WWP1: variants seen among roughly 807,000 people sequenced by gnomAD.
WWP1 encodes the protein NEDD4-like E3 ubiquitin-protein ligase WWP1.
WWP1 carries 49 observed loss-of-function variants against 130.6 expected under a neutral mutation model. The observed-to-expected ratio is 0.38, with a 90% CI of 0.30 to 0.48. The LOEUF is 0.48. WWP1 is among the 20% of genes least tolerant of loss of function. The pLI is 0.99. For missense variants in WWP1, 809 were observed against 1,100.6 expected (o/e 0.74, Z 3.75); for synonymous variants, 332 against 367.8 (o/e 0.90, Z 1.11).
chr8:86,347,263 G>T (rs2130073642), intron 1 of WWP1, among the ~76,000 whole-genome samples: 1 of 152,318 alleles, frequency 6.6e-6, no homozygotes, highest in East Asian at 1.9e-4. Flanking sequence ...TGGAATTACA[G>T]GCGTGAGCCA....
In WWP1 at chr8:86,438,539, G is replaced by T. The variant is rs377149952; in HGVS notation, c.1750-46G>T. On this transcript the variant is annotated intron_variant, in intron 16 of 24. Coordinates refer to ENST00000517970, the MANE Select transcript of WWP1 (RefSeq NM_007013.4). Reference sequence around the variant, plus strand: ...ATTTAAATTGTTTTGAAAGGAACTTGTACTGCATGTGAGTATTTAATATTC... The same window carrying T: ...ATTTAAATTGTTTTGAAAGGAACTTTTACTGCATGTGAGTATTTAATATTC... The T allele has an allele frequency of 3.6e-6, 5 of 1,401,662 alleles. No individual in the cohort carries two copies. The South Asian group carries it at 4.0e-5, about 11-fold the overall frequency. The allele number at this position is 1,401,662 out of a possible 1,614,324, so 86.8% of individuals were successfully genotyped here. A position where few individuals can be genotyped will look rare whatever the true frequency, so the allele number is the denominator to read the frequency against.
intron 22 of WWP1, among the ~76,000 whole-genome samples, chr8:86,458,876 A>G (rs1252740926): frequency 2.0e-5 from 3 of 152,206 alleles, no homozygotes; most frequent in Non-Finnish European, 2.9e-5. Context: ...GCACATACCA[A>G]AGTATTTAAT....
chr8:86,411,917 A>G (rs1808609292), intron 9 of WWP1, 43 bp downstream of exon 9: 1 of 1,505,568 alleles, frequency 6.6e-7, no homozygotes, highest in Admixed American at 2.0e-5. Flanking sequence ...TTAAGTAGCA[A>G]CTCTGTTAAC....
At chr8:86,414,879 T>TA (rs1415579167) in intron 9 of WWP1, among the ~76,000 whole-genome samples, 2 of 85,436 alleles carry the variant, frequency 2.3e-5, no homozygotes, top group African/African-American at 5.9e-5. Context: ...ACATTCTGAA[T>TA]CCCCCCCCCA....
chr8:86,347,416 A>G (rs1384911294), intron 1 of WWP1, among the ~76,000 whole-genome samples: 3 of 152,226 alleles, frequency 2.0e-5, no homozygotes, highest in Admixed American at 6.5e-5. Flanking sequence ...TTCCTATGTC[A>G]GTATTCTTTT....
At chr8:86,421,225 A>G (rs1266189924) in intron 9 of WWP1, among the ~76,000 whole-genome samples, 1 of 151,328 alleles carries the variant, frequency 6.6e-6, no homozygotes, top group East Asian at 1.9e-4. Context: ...GTTCCAGTGT[A>G]GGATATAATA....
intron 1 of WWP1, among the ~76,000 whole-genome samples, chr8:86,363,324 T>C (rs1292064324): frequency 6.6e-6 from 1 of 152,208 alleles, no homozygotes; most frequent in African/African-American, 2.4e-5. Flanking sequence ...TAGGGAAAGC[T>C]GGTCTGCTGG....
intron 8 of WWP1, among the ~76,000 whole-genome samples, chr8:86,403,097 A>T (rs1808089992): frequency 6.6e-6 from 1 of 152,192 alleles, no homozygotes; most frequent in African/African-American, 2.4e-5. Context: ...CTTTCAGGTG[A>T]GTCTCCTGAA....
chr8:86,451,275 TAGAG>T (rs1181005889), intron 20 of WWP1, among the ~76,000 whole-genome samples: 199 of 101,724 alleles, frequency 2.0e-3, no homozygotes, highest in African/African-American at 7.5e-3. Context: ...GCTTGCCCGA[TAGAG>T]GGAGATTTTG....
intron 7 of WWP1, 65 bp from the exon 8 acceptor site, chr8:86,401,953 GA>G (rs1195259867): frequency 2.9e-6 from 4 of 1,361,672 alleles, no homozygotes; most frequent in Non-Finnish European, 2.9e-6. Flanking sequence ...TAAATCCTAT[GA>G]AAATTCTCAT....
chr8:86,421,834 A>T (rs7462792), intron 9 of WWP1, among the ~76,000 whole-genome samples: 8,311 of 151,838 alleles, frequency 0.055, 379 homozygotes, highest in African/African-American at 0.12. Flanking sequence ...AAAAAAAAAA[A>T]TTTTTTTTGA....
At chr8:86,403,544 C>G (rs915230609) in intron 8 of WWP1, among the ~76,000 whole-genome samples, 3 of 152,142 alleles carry the variant, frequency 2.0e-5, no homozygotes, top group Non-Finnish European at 4.4e-5. Flanking sequence ...ATCCACCTGT[C>G]TCAGCCTCCC....
chr8:86,352,413 C>T (rs1429905148), intron 1 of WWP1, among the ~76,000 whole-genome samples: 5 of 151,596 alleles, frequency 3.3e-5, no homozygotes, highest in East Asian at 1.9e-4. Flanking sequence ...TTAGTAGAGA[C>T]GGGATTTTAC....
intron 24 of WWP1, among the ~76,000 whole-genome samples, chr8:86,466,318 A>G (rs1217808372): frequency 6.6e-6 from 1 of 152,184 alleles, no homozygotes; most frequent in Non-Finnish European, 1.5e-5. Context: ...AGAAACATAT[A>G]TATTTGTTAA....
intron 1 of WWP1, among the ~76,000 whole-genome samples, chr8:86,347,785 G>T (rs936693520): frequency 6.6e-6 from 1 of 152,050 alleles, no homozygotes; most frequent in Admixed American, 6.5e-5. Flanking sequence ...TTTTATAAAA[G>T]CTTAGTCTTC....
intron 9 of WWP1, among the ~76,000 whole-genome samples, chr8:86,414,890 T>TCCCCCCC (rs1222505171): frequency 2.6e-4 from 25 of 94,862 alleles, no homozygotes; most frequent in Admixed American, 3.7e-4. Context: ...CCCCCCCCCA[T>TCCCCCCC]CCCCCCACCC....
chr8:86,399,866 C>T (rs1388458330), intron 7 of WWP1, among the ~76,000 whole-genome samples: 1 of 152,152 alleles, frequency 6.6e-6, no homozygotes. Flanking sequence ...CCTGCCCAAA[C>T]TTCCTAAACA....
intron 14 of WWP1, among the ~76,000 whole-genome samples, chr8:86,434,744 A>AG (rs1371033715): frequency 1.4e-4 from 22 of 152,164 alleles, no homozygotes; most frequent in African/African-American, 5.3e-4. Context: ...GAAGAAAGCC[A>AG]GGTACCAGCT....
In WWP1 at chr8:86,442,667, C is replaced by T. The variant is rs1810651321; in HGVS notation, c.1887C>T (p.Cys629=). 1.9e-6 allele frequency: 3 copies of T among 1,611,250 alleles called. No homozygotes were observed. The East Asian group carries it at 6.7e-5, about 36-fold the overall frequency. ...LSHEVLNPMY[C]LFEYAGKNNY... ...ATGAAGTTTTGAACCCAATGTATTG[C>T]TTATTTGAGTATGCGGGCAAGAACA... Residue 629 remains cysteine, a synonymous_variant, in exon 18 of 25, where the codon TGC becomes TGT. Transcript: ENST00000517970.
Sources: gnomAD v4.1 joint callset for allele counts (sites outside exome capture counted in the v4.1 genomes callset) on GRCh38, gnomAD v4.1.1 for gene constraint, MANE v1.5 for transcripts, NCBI Gene and HGNC (gene_info 2026-07-23, HGNC 2026-07-21) for gene names.